CA5B: variants seen among roughly 807,000 people sequenced by gnomAD.
CA5B encodes the protein carbonic anhydrase 5B, mitochondrial.
Under a neutral mutation model 23.1 loss-of-function variants are expected in CA5B, and 15 were observed. The observed-to-expected ratio is 0.65, with a 90% confidence interval of 0.43 to 1.00. The LOEUF (loss-of-function observed/expected upper bound fraction) is 1.00. Ranked by LOEUF, CA5B falls within the 50% of genes least tolerant of loss-of-function variation. CA5B has a pLI of 0.00. For synonymous variants in CA5B, 84 were observed against 98.5 expected, an observed-to-expected ratio of 0.85 and a Z score of 0.87; for missense variants, 236 against 252.2, an observed-to-expected ratio of 0.94 and a Z score of 0.43.
At chrX:15,761,179 C>CT (rs11398820) in intron 2 of CA5B, among the ~76,000 whole-genome samples, 37,198 of 110,903 alleles carry the variant, frequency 0.34, 6,083 homozygotes, top group Non-Finnish European at 0.5. Context: ...TAATTTCTTT[C>CT]TTTTTTAAAA....
Position 15,750,142 on chromosome X carries a change from CTT to C in CA5B, c.120_121del (p.Tyr41GlnfsTer36). The C allele has an allele frequency of 8.3e-7, 1 of 1,210,354 alleles. No homozygotes were observed. The highest frequency in any genetic ancestry group is 1.8e-5 in the South Asian group (1 of 56,853). Reference sequence around the variant, plus strand: ...AGGCCCTGCAGCCTCTATACTTGTACTTACAAAACCCGGAACCGAGCCTGTGA... The same window carrying C: ...AGGCCCTGCAGCCTCTATACTTGTACACAAAACCCGGAACCGAGCCTGTGA... On this transcript the variant is annotated frameshift_variant, in exon 2 of 8. Coordinates refer to ENST00000318636, the MANE Select transcript of CA5B (RefSeq NM_007220.4). LOFTEE classifies it high-confidence loss of function.
chrX:15,779,247 C>A (rs1931980385), intron 7 of CA5B, among the ~76,000 whole-genome samples: 1 of 111,375 alleles, frequency 9.0e-6, no homozygotes, highest in Non-Finnish European at 1.9e-5. Context: ...ATTGATGTTC[C>A]AGCTCAAGCA....
chrX:15,752,609 C>T (rs1216848060), intron 2 of CA5B, among the ~76,000 whole-genome samples: 4 of 110,695 alleles, frequency 3.6e-5, no homozygotes, highest in Non-Finnish European at 7.6e-5. Context: ...CCTGCAGTCC[C>T]AGCTACTAAG....
chrX:15,766,522 T>C (rs1931713008), intron 3 of CA5B, among the ~76,000 whole-genome samples: 2 of 112,283 alleles, frequency 1.8e-5, no homozygotes, highest in African/African-American at 6.5e-5. Flanking sequence ...TGGGCATCTT[T>C]CTTTTCCCCC....
intron 6 of CA5B, chrX:15,776,015 A>G: frequency 1.3e-6 from 1 of 753,437 alleles, no homozygotes; most frequent in Non-Finnish European, 1.6e-6. Context: ...TTCTTCTTAA[A>G]AGGACAATTC....
chrX:15,781,266 C>T (rs1417143067), intron 7 of CA5B, among the ~76,000 whole-genome samples: 2 of 111,207 alleles, frequency 1.8e-5, no homozygotes, highest in Non-Finnish European at 3.8e-5. Flanking sequence ...TGTAGGCCAC[C>T]ACGCCCGGCC....
At position 15,782,529 on chromosome X, in the gene CA5B, A is replaced by G. The variant is rs150953730; in HGVS notation, c.819A>G (p.Lys273=). 308 of 1,209,430 alleles carry G rather than the reference A, an allele frequency of 2.5e-4. No homozygotes were observed. In the African/African-American group the frequency reaches 4.8e-3, roughly 19 times the overall value. The change falls in exon 8 of 8, where the codon AAA becomes AAG. Residue 273 remains lysine (K), a synonymous_variant. Transcript: ENST00000318636. ...TGCTTTTCACTTCCGAAGGGGAGAA[A>G]GAGAAAAGAATGGTGGACAACTTCC... ...RTLLFTSEGE[K]EKRMVDNFRP... is the part of the protein sequence containing the mutation.
chrX:15,738,470 C>G (rs1186929652), intron 1 of CA5B, 118 bp downstream of exon 1: 1 of 111,348 alleles, frequency 9.0e-6, no homozygotes, highest in Non-Finnish European at 1.9e-5. Context: ...GCTAGGAGAG[C>G]TGTTGATCCT....
rs1283512671 is a variant in CA5B, at chrX:15,787,759, C to G, written c.*5095C>G. 2 of 111,867 alleles carry G rather than the reference C, an allele frequency of 1.8e-5. No individual in the cohort carries two copies. Among genetic ancestry groups the G allele is most frequent in the Admixed American group, 1.9e-4 (2 of 10,520 alleles). 9.2% of individuals were successfully genotyped at this position (111,867 alleles called of 1,213,427 possible). A position where few individuals can be genotyped will look rare whatever the true frequency, so the allele number is the denominator to read the frequency against. On this transcript the variant is annotated 3_prime_UTR_variant, in exon 8 of 8. Coordinates refer to ENST00000318636, the MANE Select transcript of CA5B (RefSeq NM_007220.4). ...CGGAGGTCAAGAGTTCGAGAACAGC[C>G]TGGCCAATATGGTGAAACCCCGTCT... is the stretch of plus-strand genomic sequence containing the variant.
intron 1 of CA5B, among the ~76,000 whole-genome samples, chrX:15,747,940 T>TCTTTCTCTTGCGAGAGGAGAGCAGCC: frequency 9.0e-6 from 1 of 111,052 alleles, no homozygotes; most frequent in African/African-American, 3.3e-5. Flanking sequence ...GGAGAGCAGC[T>TCTTTCTCTTGCGAGAGGAGAGCAGCC]CTCTCTCTTG....
intron 1 of CA5B, among the ~76,000 whole-genome samples, chrX:15,746,470 A>G (rs1020202656): frequency 9.0e-6 from 1 of 111,247 alleles, no homozygotes; most frequent in Non-Finnish European, 1.9e-5. Flanking sequence ...TATTGTAACC[A>G]CTCAAGGGAT....
intron 2 of CA5B, among the ~76,000 whole-genome samples, chrX:15,752,822 C>G (rs1175087603): frequency 1.8e-5 from 2 of 111,170 alleles, no homozygotes; most frequent in Admixed American, 9.5e-5. Flanking sequence ...GGAAATATTT[C>G]TCATCTATTG....
intron 2 of CA5B, among the ~76,000 whole-genome samples, chrX:15,760,734 G>T (rs1344578090): frequency 1.8e-5 from 2 of 111,509 alleles, no homozygotes; most frequent in African/African-American, 6.5e-5. Flanking sequence ...GTCTCAGAGG[G>T]GAAGGTGCAT....
chrX:15,781,935 A>G (rs1189292957), intron 7 of CA5B, among the ~76,000 whole-genome samples: 1 of 110,266 alleles, frequency 9.1e-6, no homozygotes, highest in Non-Finnish European at 1.9e-5. Flanking sequence ...AACAAAAAAA[A>G]AAAGAAAGAA....
intron 3 of CA5B, among the ~76,000 whole-genome samples, chrX:15,769,914 A>G (rs1244494881): frequency 8.0e-5 from 9 of 112,150 alleles, no homozygotes; most frequent in Non-Finnish European, 1.1e-4. Context: ...GAGGGAGTGA[A>G]TATTACAGAT....
At chrX:15,772,656 T>C in intron 4 of CA5B, 42 bp downstream of exon 4, 1 of 780,323 alleles carries the variant, frequency 1.3e-6, no homozygotes, top group Non-Finnish European at 1.9e-6. Context: ...TGTAGAGAAG[T>C]GGGGATAATT....
chrX:15,750,583 A>G (rs768319003), intron 2 of CA5B: 2 of 117,856 alleles, frequency 1.7e-5, no homozygotes, highest in East Asian at 2.7e-4. Context: ...CACAAACCAC[A>G]AATTATTTCT....
At chrX:15,771,153 A>T (rs925235896) in intron 3 of CA5B, among the ~76,000 whole-genome samples, 5 of 90,442 alleles carry the variant, frequency 5.5e-5, no homozygotes, top group African/African-American at 2.1e-4. Flanking sequence ...GGATCTCTTG[A>T]GCTCAGGAGT....
chrX:15,748,836 G>A (rs759068166), intron 1 of CA5B, among the ~76,000 whole-genome samples: 49 of 110,322 alleles, frequency 4.4e-4, no homozygotes, highest in Admixed American at 9.7e-4. Context: ...GATCACTTGA[G>A]ATCAGGGATT....
Sources: allele counts gnomAD v4.1 joint callset (sites outside exome capture counted in the v4.1 genomes callset), GRCh38; gene constraint gnomAD v4.1.1; transcripts MANE v1.5; gene names NCBI Gene and HGNC (gene_info 2026-07-23, HGNC 2026-07-21).